The following MMADHC variants were observed in gnomAD, a reference collection of about 807,000 sequenced individuals.
MMADHC encodes the protein metabolism of cobalamin associated D.
Under a neutral mutation model 36.3 loss-of-function variants are expected in MMADHC, and 23 were observed. The observed-to-expected ratio is 0.63, with a 90% CI of 0.46 to 0.90. The LOEUF is 0.90. MMADHC is among the 40% of genes least tolerant of loss of function. The probability of loss-of-function intolerance (pLI) is 0.00; values close to 1 mark genes in which losing one functional copy is unlikely to be tolerated. For synonymous variants in MMADHC, 97 were observed against 116.1 expected, an observed-to-expected ratio of 0.84 and a Z score of 1.06; for missense variants, 330 against 348.0, an observed-to-expected ratio of 0.95 and a Z score of 0.41.
chr2:149,576,932 A>C (rs151285563), intron 4 of MMADHC, among the ~76,000 whole-genome samples: 1 of 152,184 alleles, frequency 6.6e-6, no homozygotes, highest in Non-Finnish European at 1.5e-5. Context: ...CTAACTTACA[A>C]GATACATGAC....
chr2:149,582,436 TTAAAAA>T (rs538831625), intron 2 of MMADHC, among the ~76,000 whole-genome samples, 165 bp from the exon 3 acceptor site: 317 of 152,202 alleles, frequency 2.1e-3, no homozygotes, highest in African/African-American at 7.2e-3. Flanking sequence ...ATTTGTAATT[TTAAAAA>T]TAAAAATAAA....
At chr2:149,585,802 A>T (rs1361131009) in intron 2 of MMADHC, among the ~76,000 whole-genome samples, 2 of 152,226 alleles carry the variant, frequency 1.3e-5, no homozygotes, top group African/African-American at 4.8e-5. Flanking sequence ...ATTAACACAA[A>T]AATTGTTATC....
At chr2:149,587,014 A>C (rs971757785) in intron 2 of MMADHC, 75 bp downstream of exon 2, 2 of 1,458,402 alleles carry the variant, frequency 1.4e-6, no homozygotes, top group African/African-American at 2.8e-5. Context: ...TGCCATCATA[A>C]TTAAACCCGT....
At chr2:149,582,352 C>A in intron 2 of MMADHC, 81 bp from the exon 3 acceptor site, 1 of 1,440,476 alleles carries the variant, frequency 6.9e-7, no homozygotes, top group South Asian at 1.2e-5. Flanking sequence ...CAAATCTTCA[C>A]ACTGCAAGGT....
At chr2:149,575,675 C>A in intron 6 of MMADHC, 36 bp downstream of exon 6, 2 of 1,522,604 alleles carry the variant, frequency 1.3e-6, no homozygotes, top group East Asian at 2.3e-5. Context: ...TAAATAATGA[C>A]CATAAAATTA....
Position 149,579,628 on chromosome 2 carries a change from C to A in MMADHC, c.175G>T (p.Asp59Tyr). The A allele has an allele frequency of 1.2e-6, 2 of 1,613,950 alleles. No homozygotes were observed. The highest frequency in any genetic ancestry group is 1.7e-6 in the Non-Finnish European group (2 of 1,179,928). ...GGTCCAAAGGGTCCCATAGTTTCAT[C>A]AGGCCACACTGTTCGAGAGCCTGAA... The part of the protein sequence containing the change: ...PDICSRTVWP[D>Y]ETMGPFGPQD... Residue 59 changes from aspartate to tyrosine, a missense_variant, in exon 4 of 8, where the codon GAT becomes TAT. Coordinates refer to ENST00000303319, the MANE Select transcript of MMADHC (RefSeq NM_015702.3).
At chr2:149,570,707 T>C (rs1682626153) in intron 7 of MMADHC, among the ~76,000 whole-genome samples, 1 of 152,214 alleles carries the variant, frequency 6.6e-6, no homozygotes, top group Non-Finnish European at 1.5e-5. Context: ...GTATTTATTT[T>C]TACCACCTGT....
chr2:149,582,388 C>G (rs1455771070), intron 2 of MMADHC, 117 bp from the exon 3 acceptor site: 4 of 924,916 alleles, frequency 4.3e-6, no homozygotes, highest in Non-Finnish European at 5.1e-6. Context: ...ATTTATTCTA[C>G]TTTTACTGAA....
intron 2 of MMADHC, among the ~76,000 whole-genome samples, chr2:149,582,871 A>AT (rs1032485245): frequency 5.3e-5 from 8 of 151,830 alleles, no homozygotes; most frequent in Admixed American, 6.5e-5. Context: ...TCATTCATAA[A>AT]TTTTTTAACA....
chr2:149,585,667 TC>T (rs1682859179), intron 2 of MMADHC, among the ~76,000 whole-genome samples: 1 of 152,150 alleles, frequency 6.6e-6, no homozygotes, highest in South Asian at 2.1e-4. Context: ...TTTGTCACAG[TC>T]CCCATGAAGG....
chr2:149,579,076 G>C (rs1573878486), intron 4 of MMADHC, among the ~76,000 whole-genome samples: 1 of 149,172 alleles, frequency 6.7e-6, no homozygotes, highest in African/African-American at 2.5e-5. Flanking sequence ...AGAACCAGTT[G>C]GAATTAGATC....
At chr2:149,571,410 A>ATTCT (rs957340964) in intron 6 of MMADHC, among the ~76,000 whole-genome samples, 1 of 152,182 alleles carries the variant, frequency 6.6e-6, no homozygotes, top group Non-Finnish European at 1.5e-5. Flanking sequence ...TTTCTTCTGA[A>ATTCT]TTCTTTCTTT....
rs1401528755 is a variant in MMADHC at position 149,569,996 on chromosome 2, A to C, written c.869T>G (p.Met290Arg). ...FTNATPDSHIMKKLSGN is the reference protein window; with the variant it reads ...FTNATPDSHIRKKLSGN ...CTGCTAATTTCCACTTAATTTCTTC[A>C]TAATATGGCTGTCTGGTGTTGCATT... is the stretch of plus-strand genomic sequence containing the variant. Residue 290 changes from methionine to arginine, a missense_variant, in exon 8 of 8, where the codon ATG becomes AGG. Met to Arg is a moderately conservative substitution (Grantham distance 91, BLOSUM62 -1). Coordinates refer to ENST00000303319, the MANE Select transcript of MMADHC (RefSeq NM_015702.3). The C allele has an allele frequency of 1.2e-6, 2 of 1,613,552 alleles. No homozygotes were observed. The highest frequency in any genetic ancestry group is 1.3e-5 in the African/African-American group (1 of 75,038).
At chr2:149,587,331 A>G in intron 1 of MMADHC, 182 bp from the exon 2 acceptor site, 1 of 600,082 alleles carries the variant, frequency 1.7e-6, no homozygotes, top group South Asian at 2.0e-5. Context: ...CCCAGCCCGG[A>G]GCCGGCAGTG....
At position 149,573,008 on chromosome 2, in the gene MMADHC, C is replaced by T. The variant is rs549931685; in HGVS notation, c.610-1837G>A. The stretch of plus-strand genomic sequence containing the variant: ...TTTACTGGACACAGCCATGGCAATT[C>T]ATTTACATATTGTCTACAGATGCTT... On this transcript the variant is annotated intron_variant, in intron 6 of 7. Transcript: ENST00000303319. Among the ~76,000 whole-genome samples, 258 of 152,288 alleles carry T rather than the reference C, an allele frequency of 1.7e-3. 1 individual carries two copies. The highest frequency in any genetic ancestry group is 6.0e-3 in the African/African-American group (248 of 41,554).
chr2:149,584,434 C>A lies in MMADHC; in HGVS notation c.10-2163G>T, dbSNP rs182902457. ...AGTTTCAGCATGGTTAAACTACAAT[C>A]TGCGATCATTCACATCGTTTCACAA... On this transcript the variant is annotated intron_variant, in intron 2 of 7. Coordinates refer to ENST00000303319, the MANE Select transcript of MMADHC (RefSeq NM_015702.3). 1.6e-4 allele frequency among the ~76,000 whole-genome samples: 25 copies of A among 152,258 alleles called. No homozygotes were observed. The East Asian group carries it at 4.8e-3, about 29-fold the overall frequency.
intron 2 of MMADHC, among the ~76,000 whole-genome samples, chr2:149,584,740 C>T (rs957546394): frequency 3.3e-5 from 5 of 152,076 alleles, no homozygotes; most frequent in East Asian, 1.9e-4. Flanking sequence ...AAACCTTACC[C>T]GTTAACCTGT....
At chr2:149,587,384 C>G (rs1682889318) in intron 1 of MMADHC, 2 of 525,778 alleles carry the variant, frequency 3.8e-6, no homozygotes, top group Non-Finnish European at 6.8e-6. Context: ...AAAAACAACT[C>G]GGACCAGATC....
chr2:149,577,653 G>A (rs1682736076), intron 4 of MMADHC, among the ~76,000 whole-genome samples: 1 of 151,676 alleles, frequency 6.6e-6, no homozygotes, highest in African/African-American at 2.4e-5. Context: ...GCAAAACTCT[G>A]TCTCAAAAAA....
Sources: allele counts gnomAD v4.1 joint callset (sites outside exome capture counted in the v4.1 genomes callset), GRCh38; gene constraint gnomAD v4.1.1; transcripts MANE v1.5; gene names NCBI Gene and HGNC (gene_info 2026-07-23, HGNC 2026-07-21).